The following PCBP2 variants were observed in gnomAD, a reference collection of about 807,000 sequenced individuals.
PCBP2 encodes the protein poly(rC)-binding protein 2.
A neutral mutation model predicts 50.1 loss-of-function variants in PCBP2; 4 were observed. The observed-to-expected ratio is 0.08, with a 90% CI of 0.04 to 0.18. The LOEUF is 0.18. Ranked by LOEUF, PCBP2 falls within the 10% of genes least tolerant of loss-of-function variation. PCBP2 has a pLI of 1.00. For missense variants in PCBP2, 161 were observed against 474.3 expected (o/e 0.34, Z 6.14); for synonymous variants, 179 against 168.0 (o/e 1.07, Z -0.51).
rs190356908 is a variant in PCBP2 at position 53,468,258 on chromosome 12, A to G, written c.826+415A>G. 6.5e-4 allele frequency: 128 copies of G among 196,972 alleles called. 1 individual carries two copies. The highest frequency in any genetic ancestry group is 2.4e-3 in the African/African-American group (103 of 42,824). The allele number at this position is 196,972 out of a possible 1,614,324, so 12.2% of individuals were successfully genotyped here. On this transcript the variant is annotated intron_variant, in intron 12 of 14. Coordinates refer to ENST00000546463, the MANE Select transcript of PCBP2 (RefSeq NM_031989.5). The stretch of plus-strand genomic sequence containing the variant: ...AGTCCCCTCACCTGACTGCCATTTC[A>G]TTCTATCTGACCTTCCAGTCTAGGT...
Position 53,467,862 on chromosome 12 carries a change from A to G in PCBP2, c.826+19A>G. On this transcript the variant is annotated intron_variant, in intron 12 of 14. Coordinates refer to ENST00000546463, the MANE Select transcript of PCBP2 (RefSeq NM_031989.5). ...TATTGGGGTAATGATTAAAAAAAAA[A>G]AAATCTGTAGTATTCTACTGTTATA... The G allele has an allele frequency of 6.3e-7, 1 of 1,586,276 alleles. No individual in the cohort carries two copies. Among genetic ancestry groups the G allele is most frequent in the South Asian group, 1.1e-5 (1 of 90,474 alleles).
At chr12:53,473,097 T>A (rs980300757) in intron 14 of PCBP2, among the ~76,000 whole-genome samples, 2 of 151,756 alleles carry the variant, frequency 1.3e-5, no homozygotes, top group Non-Finnish European at 2.9e-5. Flanking sequence ...TCTTTTTTTT[T>A]TTTTTGAGAC....
chr12:53,456,457 C>CA (rs111399555), intron 5 of PCBP2, among the ~76,000 whole-genome samples: 589 of 127,670 alleles, frequency 4.6e-3, no homozygotes, highest in Middle Eastern at 0.016. Context: ...GACTCTGTCT[C>CA]AAAAAAAAAA....
At chr12:53,466,072 C>G (rs766205342) in intron 10 of PCBP2, 99 bp downstream of exon 10, 119 of 936,656 alleles carry the variant, frequency 1.3e-4, no homozygotes, top group Middle Eastern at 2.1e-4. Flanking sequence ...GTTGGGTCTT[C>G]AGCATTTGCA....
At chr12:53,456,974 C>G (rs913777387) in intron 5 of PCBP2, among the ~76,000 whole-genome samples, 2 of 152,194 alleles carry the variant, frequency 1.3e-5, no homozygotes, top group Non-Finnish European at 2.9e-5. Context: ...AAGTCCAGAA[C>G]TCATGGCTTA....
At chr12:53,471,521 C>A (rs1038735873) in intron 13 of PCBP2, 117 bp from the exon 14 acceptor site, 6 of 942,124 alleles carry the variant, frequency 6.4e-6, no homozygotes, top group African/African-American at 3.7e-5. Context: ...GAGCCAAGAT[C>A]AGGCCACTGC....
At chr12:53,452,625 G>T (rs1299769031) in intron 1 of PCBP2, among the ~76,000 whole-genome samples, 1 of 151,596 alleles carries the variant, frequency 6.6e-6, no homozygotes, top group Non-Finnish European at 1.5e-5. Context: ...GCAGGAGTCA[G>T]GGAGGGCGCG....
intron 7 of PCBP2, 117 bp from the exon 8 acceptor site, chr12:53,462,376 G>A (rs1046623728): frequency 2.7e-5 from 19 of 715,198 alleles, no homozygotes; most frequent in Middle Eastern, 2.5e-4. Context: ...AATTTGGTAG[G>A]TAAGGGGATG....
intron 12 of PCBP2, chr12:53,468,492 C>A (rs931338726): frequency 4.5e-6 from 2 of 442,388 alleles, no homozygotes; most frequent in African/African-American, 4.1e-5. Flanking sequence ...TTTGAGGATA[C>A]CACACTCCCT....
intron 6 of PCBP2, chr12:53,460,771 A>G (rs1250646633): frequency 2.8e-6 from 1 of 356,350 alleles, no homozygotes; most frequent in Non-Finnish European, 5.3e-6. Context: ...CTTTTGCTTG[A>G]GAGTAGGTTA....
chr12:53,455,334 T>G lies in PCBP2; in HGVS notation c.70-13T>G, dbSNP rs751236742. On this transcript the variant is annotated splice_polypyrimidine_tract_variant and intron_variant, in intron 2 of 14. Transcript: ENST00000546463. ...GAGTTTCCTCTTACTGACGTTAGTT[T>G]TCTCCATTGCAGGAAGTTGGCAGTA... The G allele has an allele frequency of 3.7e-6, 6 of 1,612,802 alleles. No individual in the cohort carries two copies. Among genetic ancestry groups the G allele is most frequent in the Non-Finnish European group, 5.1e-6 (6 of 1,179,104 alleles).
rs553298620 is a variant in PCBP2, at chr12:53,473,153, G to A, written c.1052+1346G>A. Among the ~76,000 whole-genome samples, 121 of 150,126 alleles carry A rather than the reference G, an allele frequency of 8.1e-4. 1 individual carries two copies. Among genetic ancestry groups the A allele is most frequent in the African/African-American group, 2.4e-3 (99 of 40,734 alleles). ...GGCTGGAGTGCAGTGGCTCCATCTCGGCTCACTGCAACCTCTGCCTCCTGG... is the reference window on the plus strand; with the variant it reads ...GGCTGGAGTGCAGTGGCTCCATCTCAGCTCACTGCAACCTCTGCCTCCTGG... On this transcript the variant is annotated intron_variant, in intron 14 of 14. Coordinates refer to ENST00000546463, the MANE Select transcript of PCBP2 (RefSeq NM_031989.5).
In PCBP2 at chr12:53,480,873, TAAA is replaced by T. The variant is rs1943006820; in HGVS notation, c.*1432_*1434del. On this transcript the variant is annotated 3_prime_UTR_variant, in exon 15 of 15. Transcript: ENST00000546463. ...CCCCCCACCCCCTATTATTTGGGGA[TAAA>T]GAATATAAAGACAACCCTGGCTTTT... is the stretch of plus-strand genomic sequence containing the variant. The T allele has an allele frequency of 6.7e-6, 1 of 148,678 alleles. No homozygotes were observed. The highest frequency in any genetic ancestry group is 1.5e-5 in the Non-Finnish European group (1 of 67,150). The allele number at this position is 148,678 out of a possible 1,614,324, so 9.2% of individuals were successfully genotyped here. A position where few individuals can be genotyped will look rare whatever the true frequency, so the allele number is the denominator to read the frequency against.
chr12:53,465,757 A>G (rs1460240464), intron 9 of PCBP2, among the ~76,000 whole-genome samples, 175 bp from the exon 10 acceptor site: 1 of 152,178 alleles, frequency 6.6e-6, no homozygotes, highest in Admixed American at 6.5e-5. Context: ...GGGTTCAAAG[A>G]AGGCCAATTT....
intron 1 of PCBP2, 146 bp from the exon 2 acceptor site, chr12:53,454,580 C>T (rs1940847244): frequency 9.1e-6 from 5 of 548,282 alleles, no homozygotes; most frequent in African/African-American, 1.9e-5. Flanking sequence ...TTTTGTCATG[C>T]AGTTGTGCTT....
intron 6 of PCBP2, chr12:53,459,779 G>T: frequency 1.2e-5 from 4 of 325,064 alleles, no homozygotes; most frequent in South Asian, 2.3e-5. Flanking sequence ...TTTTTGACAC[G>T]GTCTCACTCT....
intron 4 of PCBP2, among the ~76,000 whole-genome samples, 153 bp downstream of exon 4, chr12:53,455,646 AT>A (rs149657411): frequency 2.6e-4 from 39 of 149,112 alleles, no homozygotes; most frequent in African/African-American, 6.2e-4. Context: ...TGGGGAGTGT[AT>A]TTTTTTTTTC....
chr12:53,459,120 G>C, intron 5 of PCBP2, 152 bp from the exon 6 acceptor site: 1 of 477,856 alleles, frequency 2.1e-6, no homozygotes, highest in Non-Finnish European at 3.5e-6. Context: ...AATAGTTTGA[G>C]AGGGGCATGG....
intron 8 of PCBP2, among the ~76,000 whole-genome samples, chr12:53,463,092 C>A (rs1258311760): frequency 6.6e-6 from 1 of 152,116 alleles, no homozygotes; most frequent in African/African-American, 2.4e-5. Context: ...GGTTTGAACC[C>A]ACATGGCATA....
Sources: allele counts gnomAD v4.1 joint callset (sites outside exome capture counted in the v4.1 genomes callset), GRCh38; gene constraint gnomAD v4.1.1; transcripts MANE v1.5; gene names NCBI Gene and HGNC (gene_info 2026-07-23, HGNC 2026-07-21).